The following GATB variants were observed in gnomAD, a reference collection of about 807,000 sequenced individuals.
GATB encodes glutamyl-tRNA(Gln) amidotransferase subunit B, mitochondrial.
GATB carries 39 observed loss-of-function variants against 62.3 expected under a neutral mutation model. The observed-to-expected ratio is 0.63, with a 90% CI of 0.48 to 0.82. GATB has a LOEUF of 0.82. GATB is among the 40% of genes least tolerant of loss of function. The pLI is 0.00. For missense variants in GATB, 670 were observed against 684.0 expected (o/e 0.98, Z 0.23); for synonymous variants, 276 against 258.9 (o/e 1.07, Z -0.63).
At chr4:151,673,255 C>G (rs6813516) in intron 11 of GATB, 66,462 of 138,416 alleles carry the variant, frequency 0.48, 15,831 homozygotes, top group African/African-American at 0.71. Flanking sequence ...CTCCACATGG[C>G]GGGGGGGGGC....
intron 10 of GATB, 112 bp from the exon 11 acceptor site, chr4:151,680,003 C>T (rs187317257): frequency 1.5e-5 from 13 of 846,570 alleles, no homozygotes; most frequent in South Asian, 4.4e-5. Flanking sequence ...ATCGGACCCA[C>T]GCCTAGGGAT....
At position 151,688,876 on chromosome 4, in the gene GATB, T is replaced by G. The variant is rs72960993; in HGVS notation, c.1198-113A>C. 7.1e-4 allele frequency: 720 copies of G among 1,007,588 alleles called. 3 individuals carry two copies. In the African/African-American group the frequency reaches 0.011, roughly 15 times the overall value. The allele number at this position is 1,007,588 out of a possible 1,614,324, so 62.4% of individuals were successfully genotyped here. A position where few individuals can be genotyped will look rare whatever the true frequency, so the allele number is the denominator to read the frequency against. On this transcript the variant is annotated intron_variant, in intron 9 of 12. Coordinates refer to ENST00000263985, the MANE Select transcript of GATB (RefSeq NM_004564.3). ...CTGCCTCCTCTGAGACAGCCACTTT[T>G]TCTTTGCTAAACCCTGAGATGTCAC...
chr4:151,749,955 C>A (rs769215304), intron 2 of GATB, among the ~76,000 whole-genome samples: 1 of 152,078 alleles, frequency 6.6e-6, no homozygotes, highest in African/African-American at 2.4e-5. Context: ...TATCTCGGCT[C>A]ACTGCAAGCT....
intron 9 of GATB, among the ~76,000 whole-genome samples, chr4:151,697,752 TG>T (rs1158708553): frequency 6.7e-6 from 1 of 148,630 alleles, no homozygotes; most frequent in African/African-American, 2.5e-5. Flanking sequence ...TACATACACA[TG>T]CACAAAATCA....
At chr4:151,707,718 G>A (rs1374960180) in intron 6 of GATB, among the ~76,000 whole-genome samples, 1 of 152,212 alleles carries the variant, frequency 6.6e-6, no homozygotes, top group Admixed American at 6.5e-5. Flanking sequence ...GGCTAGGCAA[G>A]TGCATGAAGA....
Position 151,740,641 on chromosome 4 carries a change from C to G in GATB, c.327+18131G>C, listed in dbSNP as rs554615700. ...ACTCATAAAAACCATCTAGCAATCC[C>G]CGCAGCATCACCGATGATGCCACAA... On this transcript the variant is annotated intron_variant, in intron 2 of 12. Transcript: ENST00000263985. Among the ~76,000 whole-genome samples the G allele has an allele frequency of 2.0e-5, 3 of 152,320 alleles. No homozygotes were observed. In the East Asian group the frequency reaches 5.8e-4, roughly 29 times the overall value.
chr4:151,748,176 A>G (rs903855942), intron 2 of GATB, among the ~76,000 whole-genome samples: 1 of 152,212 alleles, frequency 6.6e-6, no homozygotes, highest in Non-Finnish European at 1.5e-5. Context: ...TAAAGTTCAT[A>G]TGGAACCAAA....
At chr4:151,723,416 T>G (rs1739069748) in intron 2 of GATB, 1 of 152,184 alleles carries the variant, frequency 6.6e-6, no homozygotes. Context: ...ATCTGAAATC[T>G]TACAAGAAAA....
chr4:151,710,848 G>A (rs1738804113), intron 5 of GATB, among the ~76,000 whole-genome samples: 1 of 152,110 alleles, frequency 6.6e-6, no homozygotes, highest in South Asian at 2.1e-4. Flanking sequence ...TGCTGAGGAT[G>A]CCTACATTTC....
At chr4:151,686,458 G>C (rs1322363784) in intron 10 of GATB, among the ~76,000 whole-genome samples, 2 of 151,954 alleles carry the variant, frequency 1.3e-5, no homozygotes, top group African/African-American at 4.8e-5. Context: ...TCACTCCCCG[G>C]GATGCTGCTG....
In GATB at chr4:151,719,651, T is replaced by G. The variant is rs1738989292; in HGVS notation, c.328-113A>C. 5 of 606,348 alleles carry G rather than the reference T, an allele frequency of 8.2e-6. No homozygotes were observed. The South Asian group carries it at 1.2e-4, about 14-fold the overall frequency. The allele number at this position is 606,348 out of a possible 1,614,324, so 37.6% of individuals were successfully genotyped here. On this transcript the variant is annotated intron_variant, in intron 2 of 12. Transcript: ENST00000263985. Reference sequence around the variant, plus strand: ...ACTTGGCCCTTCAACAGGCATTATCTCTGGTTCTCTGGGTGGGCAGCTCCA... The same window carrying G: ...ACTTGGCCCTTCAACAGGCATTATCGCTGGTTCTCTGGGTGGGCAGCTCCA...
chr4:151,682,263 G>A (rs58443173), intron 10 of GATB, among the ~76,000 whole-genome samples: 16,819 of 152,054 alleles, frequency 0.11, 984 homozygotes, highest in African/African-American at 0.13. Context: ...ACACCCATAG[G>A]GATGTCTGGC....
At chr4:151,676,519 C>G (rs757245329) in intron 11 of GATB, 3 of 152,016 alleles carry the variant, frequency 2.0e-5, no homozygotes, top group Non-Finnish European at 4.4e-5. Flanking sequence ...ACATCCAGGG[C>G]GAGTCACAAG....
At chr4:151,672,369 C>T (rs1276890833) in intron 12 of GATB, among the ~76,000 whole-genome samples, 5 of 152,166 alleles carry the variant, frequency 3.3e-5, no homozygotes, top group Non-Finnish European at 5.9e-5. Context: ...CCTGCTCTGC[C>T]GGCACACCTG....
intron 5 of GATB, among the ~76,000 whole-genome samples, chr4:151,709,094 C>T (rs1031304729): frequency 5.9e-5 from 9 of 152,172 alleles, no homozygotes; most frequent in African/African-American, 1.9e-4. Flanking sequence ...TCTGCCAAAC[C>T]TGAGTGTCTT....
chr4:151,724,976 C>T (rs1739109600), intron 2 of GATB, among the ~76,000 whole-genome samples: 1 of 152,180 alleles, frequency 6.6e-6, no homozygotes, highest in Admixed American at 6.5e-5. Context: ...ATGTATGAAT[C>T]AGGAAAAGGA....
At chr4:151,746,113 AG>A (rs1327600658) in intron 2 of GATB, among the ~76,000 whole-genome samples, 1 of 152,244 alleles carries the variant, frequency 6.6e-6, no homozygotes, top group African/African-American at 2.4e-5. Context: ...GCTACGGCAG[AG>A]GCAACGGTGT....
chr4:151,685,715 C>T (rs1268207229), intron 10 of GATB, among the ~76,000 whole-genome samples: 11 of 152,168 alleles, frequency 7.2e-5, no homozygotes, highest in Admixed American at 7.2e-4. Context: ...AGCACCAACA[C>T]CAGAATTTCT....
At chr4:151,703,165 G>A (rs1298959476) in intron 8 of GATB, 1 of 152,282 alleles carries the variant, frequency 6.6e-6, no homozygotes, top group African/African-American at 2.4e-5. Context: ...CATGCTAAGC[G>A]TTTATGAGTT....
Sources: allele counts gnomAD v4.1 joint callset (sites outside exome capture counted in the v4.1 genomes callset), GRCh38; gene constraint gnomAD v4.1.1; transcripts MANE v1.5; gene names NCBI Gene and HGNC (gene_info 2026-07-23, HGNC 2026-07-21).